DAB1: variants seen among roughly 807,000 people sequenced by gnomAD.
DAB1 encodes the protein disabled homolog 1.
In DAB1, 15 loss-of-function variants were observed where a neutral mutation model predicts 64.6. The ratio of observed to expected loss-of-function variants is 0.23; its 90% confidence interval spans 0.16 to 0.36. DAB1 has a LOEUF of 0.36. DAB1 is among the 10% of genes least tolerant of loss of function. The probability of loss-of-function intolerance (pLI) is 1.00; values close to 1 mark genes in which losing one functional copy is unlikely to be tolerated. For synonymous variants in DAB1, 235 were observed against 251.9 expected (o/e 0.93, Z 0.64); for missense variants, 596 against 706.7 (o/e 0.84, Z 1.78).
chr1:58,249,689 G>C (rs1376718923), intron 4 of DAB1, among the ~76,000 whole-genome samples: 1 of 152,096 alleles, frequency 6.6e-6, no homozygotes, highest in Non-Finnish European at 1.5e-5. Flanking sequence ...TCCAGTCGTC[G>C]ACGCGGATGA....
chr1:57,202,204 A>T (rs1040903624), intron 2 of DAB1, among the ~76,000 whole-genome samples: 4 of 152,198 alleles, frequency 2.6e-5, no homozygotes, highest in African/African-American at 4.8e-5. Context: ...AGATTTTTTT[A>T]AAAAGCCTTG....
chr1:57,065,380 T>G (rs1404609835), intron 8 of DAB1, among the ~76,000 whole-genome samples: 1 of 152,212 alleles, frequency 6.6e-6, no homozygotes, highest in Non-Finnish European at 1.5e-5. Flanking sequence ...TGGCCCCTGA[T>G]TTAACAGAGC....
At chr1:57,171,045 G>A (rs1377173811) in intron 2 of DAB1, among the ~76,000 whole-genome samples, 2 of 152,158 alleles carry the variant, frequency 1.3e-5, no homozygotes, top group South Asian at 2.1e-4. Context: ...GCTGTATTTT[G>A]TGCTGTGGCT....
chr1:57,688,249 CA>C (rs1158882988), intron 6 of DAB1, among the ~76,000 whole-genome samples: 3 of 151,998 alleles, frequency 2.0e-5, no homozygotes, highest in Admixed American at 1.3e-4. Context: ...AAAAAATGGG[CA>C]AAGGACATAA....
chr1:57,667,120 G>C (rs2101678340), intron 6 of DAB1, among the ~76,000 whole-genome samples: 1 of 152,206 alleles, frequency 6.6e-6, no homozygotes, highest in Middle Eastern at 3.4e-3. Flanking sequence ...TTTGCATTGG[G>C]TATTCCATCT....
Position 58,374,869 on chromosome 1 carries a change from G to A in DAB1, n.258-31466C>T, listed in dbSNP as rs1305733815. On this transcript the variant is annotated intron_variant and non_coding_transcript_variant, in intron 3 of 20. Coordinates refer to the DAB1 transcript ENST00000485760. ...CTTTTATTTCCTTGAGCAGTGGTTT[G>A]TAGTTCTCCTTGAAGAGGTCCTTCA... Among the ~76,000 whole-genome samples, 509 of 136,860 alleles carry A rather than the reference G, an allele frequency of 3.7e-3. 5 individuals are homozygous for A. Among genetic ancestry groups the A allele is most frequent in the African/African-American group, 0.013 (474 of 35,138 alleles). 89.8% of individuals were successfully genotyped at this position (136,860 alleles called of 152,430 possible). A position where few individuals can be genotyped will look rare whatever the true frequency, so the allele number is the denominator to read the frequency against.
chr1:57,781,115 T>C (rs1650057927), intron 6 of DAB1, among the ~76,000 whole-genome samples: 1 of 59,138 alleles, frequency 1.7e-5, no homozygotes, highest in Non-Finnish European at 3.1e-5. Flanking sequence ...TCTCTCTCTC[T>C]CTCTCTCTCT....
chr1:58,048,926 T>A, intron 5 of DAB1: 1 of 876,918 alleles, frequency 1.1e-6, no homozygotes. Context: ...TTAAAAATAA[T>A]CTCTTAGGTG....
chr1:58,023,125 T>C (rs1443648124), intron 5 of DAB1, among the ~76,000 whole-genome samples: 2 of 152,198 alleles, frequency 1.3e-5, no homozygotes, highest in African/African-American at 4.8e-5. Context: ...TCTTTGCCCT[T>C]CTGTGCTCAT....
At chr1:57,846,382 C>T (rs1335519375) in intron 1 of DAB1, among the ~76,000 whole-genome samples, 2 of 150,030 alleles carry the variant, frequency 1.3e-5, no homozygotes, top group Non-Finnish European at 3.0e-5. Context: ...GGTGTGAACC[C>T]GGGAGGCAGA....
intron 12 of DAB1, among the ~76,000 whole-genome samples, chr1:57,014,248 G>T (rs1646353619): frequency 6.6e-6 from 1 of 152,210 alleles, no homozygotes; most frequent in African/African-American, 2.4e-5. Context: ...TCCCAGTCCA[G>T]AACTTTCTGC....
intron 7 of DAB1, among the ~76,000 whole-genome samples, chr1:57,521,337 C>A (rs1326313136): frequency 1.3e-5 from 2 of 152,106 alleles, no homozygotes; most frequent in African/African-American, 4.8e-5. Flanking sequence ...GAGGGATGCA[C>A]AAAGGAGCAA....
chr1:57,432,512 A>G (rs922658187), intron 7 of DAB1, among the ~76,000 whole-genome samples: 5 of 152,208 alleles, frequency 3.3e-5, no homozygotes, highest in African/African-American at 1.2e-4. Context: ...TAGAAATTGG[A>G]AAGTTGTTAA....
At chr1:57,412,071 T>C (rs1002741187) in intron 1 of DAB1, among the ~76,000 whole-genome samples, 2 of 152,132 alleles carry the variant, frequency 1.3e-5, no homozygotes, top group Non-Finnish European at 2.9e-5. Context: ...ATTATACTTA[T>C]TATGATGATT....
At chr1:58,015,410 T>TTGACTC (rs767930173) in intron 5 of DAB1, among the ~76,000 whole-genome samples, 1 of 152,196 alleles carries the variant, frequency 6.6e-6, no homozygotes, top group Non-Finnish European at 1.5e-5. Flanking sequence ...ATTCTGTTTC[T>TTGACTC]TGACTCTGAA....
At chr1:58,232,298 A>C (rs1001055308) in intron 4 of DAB1, among the ~76,000 whole-genome samples, 3 of 152,238 alleles carry the variant, frequency 2.0e-5, no homozygotes, top group African/African-American at 7.2e-5. Flanking sequence ...GGAACTGCCC[A>C]TGCCATGGAG....
chr1:57,577,835 G>C (rs568443770), intron 7 of DAB1, among the ~76,000 whole-genome samples: 2 of 152,282 alleles, frequency 1.3e-5, no homozygotes, highest in African/African-American at 4.8e-5. Context: ...TCCTCTTTTA[G>C]TCCAGCTTAG....
At chr1:57,622,220 G>A (rs1645868370) in intron 7 of DAB1, among the ~76,000 whole-genome samples, 1 of 152,168 alleles carries the variant, frequency 6.6e-6, no homozygotes, top group African/African-American at 2.4e-5. Flanking sequence ...ATGGAGGCAG[G>A]AGGAGAGACT....
intron 3 of DAB1, among the ~76,000 whole-genome samples, chr1:58,445,022 T>C (rs41370348): frequency 0.034 from 5,150 of 152,278 alleles, 282 homozygotes; most frequent in African/African-American, 0.12. Context: ...TACTTGCTAA[T>C]TGTATGATTT....
Sources: gnomAD v4.1 joint callset for allele counts (sites outside exome capture counted in the v4.1 genomes callset) on GRCh38, gnomAD v4.1.1 for gene constraint, MANE v1.5 for transcripts, NCBI Gene and HGNC (gene_info 2026-07-23, HGNC 2026-07-21) for gene names.